MEI4: variants seen among roughly 807,000 people sequenced by gnomAD.
MEI4 encodes the protein meiotic double-stranded break formation protein 4.
Under a neutral mutation model 31.4 loss-of-function variants are expected in MEI4, and 27 were observed. The ratio of observed to expected loss-of-function variants is 0.86; its 90% confidence interval spans 0.63 to 1.19. The LOEUF (loss-of-function observed/expected upper bound fraction) is 1.19, where lower values mean the gene tolerates loss of function less well. MEI4 is among the 50% of genes most tolerant of loss of function. MEI4 has a pLI of 0.00. For missense variants in MEI4, 329 were observed against 398.9 expected (o/e 0.82, Z 1.49); for synonymous variants, 122 against 145.4 (o/e 0.84, Z 1.16).
rs565718486 is a variant in MEI4 at position 77,820,737 on chromosome 6, G to A, written c.769-8194G>A. Among the ~76,000 whole-genome samples, 26 of 151,708 alleles carry A rather than the reference G, an allele frequency of 1.7e-4. No homozygotes were observed. Among genetic ancestry groups the A allele is most frequent in the African/African-American group, 6.3e-4 (26 of 41,358 alleles). On this transcript the variant is annotated intron_variant, in intron 3 of 4. Transcript: ENST00000684080. The surrounding 1 kb of genome is among the most constrained non-coding windows in gnomAD (Gnocchi z 4.5). ...AGTAGTTTGAAGATACTAGATCAAA[G>A]ATGTATGGCTTTTATTGTTGCTATT...
At chr6:77,790,126 A>G (rs1768876053) in intron 3 of MEI4, among the ~76,000 whole-genome samples, 1 of 151,646 alleles carries the variant, frequency 6.6e-6, no homozygotes, top group Non-Finnish European at 1.5e-5. Flanking sequence ...GAAGCTGGAG[A>G]CTGTCATTCT....
At chr6:77,869,804 G>C (rs919156747) in intron 4 of MEI4, among the ~76,000 whole-genome samples, 1 of 152,234 alleles carries the variant, frequency 6.6e-6, no homozygotes, top group South Asian at 2.1e-4. Flanking sequence ...AGGAAGAAGG[G>C]GAAGCAAGTG....
intron 4 of MEI4, among the ~76,000 whole-genome samples, chr6:77,843,562 G>A (rs775326146): frequency 4.0e-5 from 6 of 151,234 alleles, no homozygotes; most frequent in Non-Finnish European, 8.8e-5. Context: ...TACAGAACAA[G>A]TTGTTCAAAA....
intron 3 of MEI4, among the ~76,000 whole-genome samples, chr6:77,800,184 A>G (rs62415492): frequency 3.9e-5 from 6 of 152,066 alleles, no homozygotes; most frequent in South Asian, 2.1e-4. Context: ...GCAGTGGTTT[A>G]TAGTTCTCCT....
chr6:77,706,697 C>T (rs994736456), intron 2 of MEI4, among the ~76,000 whole-genome samples: 2 of 152,140 alleles, frequency 1.3e-5, no homozygotes, highest in Admixed American at 1.3e-4. Context: ...GTGCTGTCCT[C>T]ATGGTAATGA....
intron 2 of MEI4, among the ~76,000 whole-genome samples, chr6:77,716,503 C>T (rs1357149249): frequency 6.6e-6 from 1 of 152,044 alleles, no homozygotes; most frequent in Non-Finnish European, 1.5e-5. Flanking sequence ...AAAGACCACC[C>T]ACTGGGCTCC....
chr6:77,810,851 C>G (rs1769560564), intron 3 of MEI4, among the ~76,000 whole-genome samples: 2 of 151,986 alleles, frequency 1.3e-5, no homozygotes, highest in Non-Finnish European at 2.9e-5. Context: ...TCTGTTTTAT[C>G]TTGTGGAATC....
At chr6:77,842,743 GAAGTGGA>G (rs1193768558) in intron 4 of MEI4, among the ~76,000 whole-genome samples, 4 of 152,026 alleles carry the variant, frequency 2.6e-5, no homozygotes, top group African/African-American at 9.7e-5. Flanking sequence ...CCTGTAAAGG[GAAGTGGA>G]CATCATTGCA....
intron 2 of MEI4, among the ~76,000 whole-genome samples, chr6:77,750,979 G>A (rs4637607): frequency 0.53 from 80,277 of 151,992 alleles, 22,649 homozygotes; most frequent in East Asian, 0.75. Flanking sequence ...AAAACTGCAC[G>A]ACTGCATGGA....
chr6:77,760,672 C>T (rs953761002), intron 2 of MEI4, among the ~76,000 whole-genome samples: 14 of 152,080 alleles, frequency 9.2e-5, no homozygotes, highest in Non-Finnish European at 1.5e-4. Flanking sequence ...TAAGTAGTTC[C>T]ATCATGACCT....
chr6:77,760,385 C>G (rs1330943324), intron 2 of MEI4, among the ~76,000 whole-genome samples: 1 of 152,018 alleles, frequency 6.6e-6, no homozygotes, highest in Non-Finnish European at 1.5e-5. Context: ...TCACTCTGCA[C>G]TTTACAGGAT....
chr6:77,912,354 A>G (rs982235237), intron 4 of MEI4, among the ~76,000 whole-genome samples: 1 of 152,028 alleles, frequency 6.6e-6, no homozygotes, highest in Non-Finnish European at 1.5e-5. Context: ...TTCTATTTAT[A>G]CGAAAAATGA....
chr6:77,738,148 A>G (rs1040625379), intron 2 of MEI4, among the ~76,000 whole-genome samples: 15 of 152,212 alleles, frequency 9.9e-5, no homozygotes, highest in African/African-American at 3.6e-4. Context: ...GGTTTCGGAG[A>G]GAAAGTGACA....
chr6:77,887,596 C>T (rs1771657368), intron 4 of MEI4, among the ~76,000 whole-genome samples: 1 of 152,110 alleles, frequency 6.6e-6, no homozygotes, highest in Non-Finnish European at 1.5e-5. Flanking sequence ...CGCACCCGGC[C>T]TCTTAATATT....
chr6:77,825,303 T>A (rs1239689878), intron 3 of MEI4, among the ~76,000 whole-genome samples: 1 of 152,194 alleles, frequency 6.6e-6, no homozygotes, highest in Non-Finnish European at 1.5e-5. Flanking sequence ...GAAATTCCGT[T>A]TATTAAGCAG....
Position 77,761,402 on chromosome 6 carries a change from C to G in MEI4, c.505C>G (p.Leu169Val). ...ELKNLTESGNLKRDLTHFEKD... is the reference protein window; with the variant it reads ...ELKNLTESGNVKRDLTHFEKD... The stretch of plus-strand genomic sequence containing the variant: ...AAAGAACTTGACAGAATCAGGTAAT[C>G]TTAAAAGAGACTTAACCCACTTTGA... The change falls in exon 3 of 5, where the codon CTT becomes GTT. Residue 169 changes from leucine (L) to valine (V), a missense_variant. Transcript: ENST00000684080. The G allele has an allele frequency of 8.1e-7, 1 of 1,232,166 alleles. No homozygotes were observed. The highest frequency in any genetic ancestry group is 1.0e-6 in the Non-Finnish European group (1 of 987,942). The allele number at this position is 1,232,166 out of a possible 1,614,324, so 76.3% of individuals were successfully genotyped here. A position where few individuals can be genotyped will look rare whatever the true frequency, so the allele number is the denominator to read the frequency against.
chr6:77,677,970 T>C (rs1768875489), intron 1 of MEI4, among the ~76,000 whole-genome samples: 1 of 152,198 alleles, frequency 6.6e-6, no homozygotes, highest in Non-Finnish European at 1.5e-5. Flanking sequence ...AGAAACCATG[T>C]TAAGGTAAAA....
At chr6:77,655,072 C>G (rs934305218) in intron 1 of MEI4, among the ~76,000 whole-genome samples, 2 of 152,076 alleles carry the variant, frequency 1.3e-5, no homozygotes, top group African/African-American at 4.8e-5. Context: ...CACCCTCTGA[C>G]AGGCCCCGGT....
intron 4 of MEI4, among the ~76,000 whole-genome samples, chr6:77,883,873 G>A (rs968484613): frequency 2.0e-5 from 3 of 150,510 alleles, no homozygotes; most frequent in South Asian, 2.1e-4. Flanking sequence ...TTCCTTTCTC[G>A]GATAAATACT....
Sources: gnomAD v4.1 joint callset for allele counts (sites outside exome capture counted in the v4.1 genomes callset) on GRCh38, gnomAD v4.1.1 for gene constraint, Gnocchi (gnomAD v3.1) non-coding constraint, MANE v1.5 for transcripts, NCBI Gene and HGNC (gene_info 2026-07-23, HGNC 2026-07-21) for gene names.